CFAP54: variants seen among roughly 807,000 people sequenced by gnomAD.
CFAP54 encodes the protein cilia and flagella associated protein 54, also known as cilia- and flagella-associated protein 54.
In CFAP54, 290 loss-of-function variants were observed where a neutral mutation model predicts 370.4. That is an observed-to-expected ratio of 0.78 (90% CI 0.71 to 0.86). The LOEUF is 0.86. Among genes scored for constraint, CFAP54 ranks in the 40% least tolerant of loss-of-function variants. The pLI is 0.00. For synonymous variants in CFAP54, 1,206 were observed against 1,236.5 expected (o/e 0.98, Z 0.52); for missense variants, 3,399 against 3,528.7 (o/e 0.96, Z 0.93).
At chr12:96,772,808 CAG>C (rs1415041543) in intron 60 of CFAP54, among the ~76,000 whole-genome samples, 1 of 152,064 alleles carries the variant, frequency 6.6e-6, no homozygotes, top group Non-Finnish European at 1.5e-5. Flanking sequence ...TTAGTAGAGA[CAG>C]GGTTTCACCA....
rs368292339 is a variant in CFAP54, at chr12:96,642,554, A to C, written c.4317-1624A>C. On this transcript the variant is annotated intron_variant, in intron 32 of 67. Transcript: ENST00000524981. ...TTCTAATAACTGGAATTCCAGTTCA[A>C]AACCACAGGATACTTTCCGGAGTTT... Among the ~76,000 whole-genome samples the C allele has an allele frequency of 4.6e-5, 7 of 152,308 alleles. No individual in the cohort carries two copies. In the East Asian group the frequency reaches 7.7e-4, roughly 17 times the overall value.
intron 45 of CFAP54, among the ~76,000 whole-genome samples, chr12:96,699,165 T>C (rs1170878820): frequency 3.3e-5 from 5 of 152,180 alleles, no homozygotes; most frequent in Non-Finnish European, 7.4e-5. Context: ...AACAAAGTTA[T>C]ACTTCTATGC....
intron 55 of CFAP54, among the ~76,000 whole-genome samples, chr12:96,749,797 G>C (rs1238594641): frequency 6.6e-6 from 1 of 152,102 alleles, no homozygotes; most frequent in East Asian, 1.9e-4. Context: ...TTTTCTGGGG[G>C]TTATATTTAT....
intron 51 of CFAP54, among the ~76,000 whole-genome samples, chr12:96,741,277 C>T (rs1958048176): frequency 6.6e-6 from 1 of 152,150 alleles, no homozygotes; most frequent in Non-Finnish European, 1.5e-5. Flanking sequence ...AGCAATTCTC[C>T]TGACTCAGCC....
intron 20 of CFAP54, among the ~76,000 whole-genome samples, chr12:96,577,659 A>T (rs1190805436): frequency 6.6e-6 from 1 of 152,028 alleles, no homozygotes; most frequent in Non-Finnish European, 1.5e-5. Flanking sequence ...TTCATTTGGA[A>T]AGTGTGTTTA....
intron 60 of CFAP54, among the ~76,000 whole-genome samples, chr12:96,772,069 G>T (rs1958468424): frequency 6.6e-6 from 1 of 152,088 alleles, no homozygotes; most frequent in African/African-American, 2.4e-5. Context: ...TGTATGGAGT[G>T]TTTTTTTCTT....
At chr12:96,805,048 A>G (rs778962746) in intron 63 of CFAP54, among the ~76,000 whole-genome samples, 7 of 152,176 alleles carry the variant, frequency 4.6e-5, no homozygotes, top group Non-Finnish European at 1.0e-4. Flanking sequence ...CCATTTGCAG[A>G]AGAATGAAAC....
At chr12:96,517,001 GTT>G (rs35848079) in intron 5 of CFAP54, among the ~76,000 whole-genome samples, 5 of 138,752 alleles carry the variant, frequency 3.6e-5, no homozygotes, top group Admixed American at 7.3e-5. Flanking sequence ...ACTTTTTAAA[GTT>G]TTTTTTTTTT....
intron 66 of CFAP54, among the ~76,000 whole-genome samples, chr12:96,858,500 T>C (rs979696554): frequency 1.3e-5 from 2 of 152,230 alleles, no homozygotes; most frequent in African/African-American, 4.8e-5. Context: ...TTTAATTAGA[T>C]CCCACTTGCC....
At chr12:96,644,155 A>C in intron 32 of CFAP54, 23 bp from the exon 33 acceptor site, 1 of 1,465,668 alleles carries the variant, frequency 6.8e-7, no homozygotes, top group Non-Finnish European at 9.1e-7. Context: ...GTGTAATTTC[A>C]AAACTTCTTT....
chr12:96,867,567 A>G (rs1228903953), intron 67 of CFAP54, among the ~76,000 whole-genome samples: 1 of 152,246 alleles, frequency 6.6e-6, no homozygotes, highest in Admixed American at 6.5e-5. Context: ...GTAATGAAAT[A>G]TTATTCCGCC....
chr12:96,497,806 A>C lies in CFAP54; in HGVS notation c.318-3028A>C, dbSNP rs567311343. Among the ~76,000 whole-genome samples, 16 of 152,360 alleles carry C rather than the reference A, an allele frequency of 1.1e-4. No individual in the cohort carries two copies. The South Asian group carries it at 3.3e-3, about 32-fold the overall frequency. On this transcript the variant is annotated intron_variant, in intron 1 of 67. Transcript: ENST00000524981. ...ATAAATTTCGTTACACTGTTGGCCTACCTGCATGTAGACCTAACTTAGCTT... is the reference window on the plus strand; with the variant it reads ...ATAAATTTCGTTACACTGTTGGCCTCCCTGCATGTAGACCTAACTTAGCTT...
At position 96,598,657 on chromosome 12, in the gene CFAP54, T is replaced by TA; in HGVS notation, c.3529_3530insA (p.Cys1177Ter). ...LVPVVQILIK[C>*]IVVLQGLPSI... is the part of the protein sequence containing the mutation. ...TTCTAATTTTTAGATCCTGATAAAG[T>TA]GTATAGTGGTTTTGCAAGGACTACC... The change falls in exon 26 of 68, where the codon TGT becomes TAGT. Residue 1177 changes from cysteine (C) to a stop codon, truncating the protein, a stop_gained and frameshift_variant. Transcript: ENST00000524981. LOFTEE classifies it high-confidence loss of function. 1 of 645,372 alleles carries TA rather than the reference T, an allele frequency of 1.5e-6. No homozygotes were observed. Among genetic ancestry groups the TA allele is most frequent in the Non-Finnish European group, 2.8e-6 (1 of 355,258 alleles). 40.0% of individuals were successfully genotyped at this position (645,372 alleles called of 1,614,324 possible).
chr12:96,493,816 A>G (rs1454678273), intron 1 of CFAP54, among the ~76,000 whole-genome samples: 1 of 152,214 alleles, frequency 6.6e-6, no homozygotes, highest in Non-Finnish European at 1.5e-5. Context: ...AAACAAAAAA[A>G]CAAAACAAAG....
intron 26 of CFAP54, among the ~76,000 whole-genome samples, chr12:96,620,332 T>TG (rs1229611056): frequency 1.3e-5 from 2 of 152,172 alleles, no homozygotes; most frequent in South Asian, 4.1e-4. Context: ...AATTGAATCA[T>TG]GGGGGCGGGT....
intron 5 of CFAP54, 131 bp from the exon 6 acceptor site, chr12:96,518,797 G>A (rs1432582386): frequency 6.1e-5 from 47 of 773,634 alleles, no homozygotes; most frequent in Non-Finnish European, 8.0e-5. Context: ...TTCTTGACAC[G>A]TTATTTATGG....
Position 96,740,061 on chromosome 12 carries a change from T to C in CFAP54, c.7071T>C (p.Ser2357=). The C allele has an allele frequency of 6.6e-7, 1 of 1,514,904 alleles. No individual in the cohort carries two copies. Among genetic ancestry groups the C allele is most frequent in the Admixed American group, 1.7e-5 (1 of 58,126 alleles). The allele number at this position is 1,514,904 out of a possible 1,614,324, so 93.8% of individuals were successfully genotyped here. A position where few individuals can be genotyped will look rare whatever the true frequency, so the allele number is the denominator to read the frequency against. ...AGAATCCTGTCTCTCCAGGAACTTC[T>C]GTAAGTATGACTTAATGTCTGTTCT... ...DTENPVSPGT[S]VTENKDDSEF... The change falls in exon 51 of 68, where the codon TCT becomes TCC. Residue 2357 remains serine (S), a splice_region_variant and synonymous_variant. Transcript: ENST00000524981.
intron 15 of CFAP54, among the ~76,000 whole-genome samples, chr12:96,549,131 G>A (rs1955669622): frequency 6.6e-6 from 1 of 152,176 alleles, no homozygotes; most frequent in Admixed American, 6.5e-5. Flanking sequence ...TGGGATTACA[G>A]GTGTGAGCTA....
At chr12:96,655,210 G>T (rs777930456) in intron 36 of CFAP54, among the ~76,000 whole-genome samples, 1 of 150,652 alleles carries the variant, frequency 6.6e-6, no homozygotes, top group Non-Finnish European at 1.5e-5. Flanking sequence ...TCCACCAAAG[G>T]ATTCAAAGCA....
Sources: allele counts gnomAD v4.1 joint callset (sites outside exome capture counted in the v4.1 genomes callset), GRCh38; gene constraint gnomAD v4.1.1; transcripts MANE v1.5; gene names NCBI Gene and HGNC (gene_info 2026-07-23, HGNC 2026-07-21).